The following PLD5 variants were observed in gnomAD, a reference collection of about 807,000 sequenced individuals.
PLD5 encodes the protein inactive phospholipase D5.
A neutral mutation model predicts 61.1 loss-of-function variants in PLD5; 36 were observed. The ratio of observed to expected loss-of-function variants is 0.59; its 90% confidence interval spans 0.45 to 0.78. PLD5 has a LOEUF of 0.78. PLD5 is among the 30% of genes least tolerant of loss of function. PLD5 has a pLI of 0.00. For missense variants in PLD5, 515 were observed against 644.4 expected (o/e 0.80, Z 2.17); for synonymous variants, 243 against 242.8 (o/e 1.00, Z -0.01).
At chr1:242,451,641 G>A (rs749028818) in intron 1 of PLD5, among the ~76,000 whole-genome samples, 16 of 151,352 alleles carry the variant, frequency 1.1e-4, no homozygotes, top group South Asian at 2.1e-4. Context: ...TTGTATTTTC[G>A]TAGAGACAGG....
At chr1:242,417,817 G>C (rs1217022997) in intron 1 of PLD5, among the ~76,000 whole-genome samples, 1 of 152,176 alleles carries the variant, frequency 6.6e-6, no homozygotes, top group East Asian at 1.9e-4. Context: ...AGGTGATATG[G>C]GATAGAGCAA....
chr1:242,216,535 C>G (rs1388021059), intron 5 of PLD5, among the ~76,000 whole-genome samples: 1 of 152,190 alleles, frequency 6.6e-6, no homozygotes, highest in Non-Finnish European at 1.5e-5. Context: ...CATAATTGCT[C>G]TCTACTTGGG....
chr1:242,321,309 CTT>C (rs1338641030), intron 2 of PLD5, among the ~76,000 whole-genome samples: 28 of 144,300 alleles, frequency 1.9e-4, no homozygotes, highest in African/African-American at 4.5e-4. Context: ...CTCTCTCTCT[CTT>C]TTTTTTTTTT....
intron 1 of PLD5, among the ~76,000 whole-genome samples, chr1:242,433,403 G>A (rs912037575): frequency 6.6e-6 from 1 of 152,138 alleles, no homozygotes; most frequent in African/African-American, 2.4e-5. Flanking sequence ...TTTAATCTTA[G>A]GATAGAGAAA....
intron 4 of PLD5, among the ~76,000 whole-genome samples, chr1:242,226,215 AAT>A (rs1341356883): frequency 1.5e-4 from 23 of 152,302 alleles, no homozygotes; most frequent in African/African-American, 5.5e-4. Flanking sequence ...CAGGAAAAAA[AAT>A]ATGTGTCAGT....
At chr1:242,126,155 A>G (rs12134702) in intron 5 of PLD5, among the ~76,000 whole-genome samples, 1 of 152,062 alleles carries the variant, frequency 6.6e-6, no homozygotes, top group Non-Finnish European at 1.5e-5. Context: ...CACTGCTGAA[A>G]GAATAGATGA....
intron 1 of PLD5, among the ~76,000 whole-genome samples, chr1:242,519,530 T>G (rs564076469): frequency 6.6e-6 from 1 of 152,368 alleles, no homozygotes; most frequent in South Asian, 2.1e-4. Flanking sequence ...CTCTTTCAAA[T>G]TTAAATGGGC....
chr1:242,102,527 T>C (rs1174210753), intron 8 of PLD5, among the ~76,000 whole-genome samples: 1 of 152,246 alleles, frequency 6.6e-6, no homozygotes, highest in African/African-American at 2.4e-5. Flanking sequence ...TTCACAGTCT[T>C]TTCTCTTTTC....
chr1:242,233,107 T>C (rs1377426838), intron 4 of PLD5, among the ~76,000 whole-genome samples: 3 of 152,102 alleles, frequency 2.0e-5, no homozygotes, highest in Non-Finnish European at 4.4e-5. Context: ...TGAGCTGAGA[T>C]TGTGCCACTG....
At chr1:242,493,045 A>T (rs573409723) in intron 1 of PLD5, among the ~76,000 whole-genome samples, 1 of 152,322 alleles carries the variant, frequency 6.6e-6, no homozygotes, top group Admixed American at 6.5e-5. Flanking sequence ...AAAAGCAAGA[A>T]ACCAACCTGA....
chr1:242,302,655 G>A (rs1191834844), intron 2 of PLD5, among the ~76,000 whole-genome samples: 1 of 152,186 alleles, frequency 6.6e-6, no homozygotes, highest in Non-Finnish European at 1.5e-5. Flanking sequence ...GGAATTTGAG[G>A]TTACAGTGAA....
At chr1:242,294,153 A>G (rs1324923376) in intron 2 of PLD5, among the ~76,000 whole-genome samples, 1 of 152,222 alleles carries the variant, frequency 6.6e-6, no homozygotes, top group Admixed American at 6.5e-5. Flanking sequence ...CTGACACCTG[A>G]TAACTAGGGG....
intron 6 of PLD5, among the ~76,000 whole-genome samples, chr1:242,117,198 C>G (rs1461020593): frequency 6.6e-6 from 1 of 152,112 alleles, no homozygotes; most frequent in Non-Finnish European, 1.5e-5. Context: ...CTTCATTTGC[C>G]AACTCCCATC....
chr1:242,360,171 T>G (rs1340205383), intron 1 of PLD5, among the ~76,000 whole-genome samples: 1 of 152,150 alleles, frequency 6.6e-6, no homozygotes. Context: ...TCAAGAGATG[T>G]TGCTGCTGCT....
intron 5 of PLD5, among the ~76,000 whole-genome samples, chr1:242,202,317 A>T (rs557120394): frequency 2.0e-5 from 3 of 152,308 alleles, no homozygotes; most frequent in Non-Finnish European, 4.4e-5. Flanking sequence ...AGGGGTCCTC[A>T]TTCCTCCCTG....
chr1:242,425,736 G>A (rs1254202411), intron 1 of PLD5, among the ~76,000 whole-genome samples: 2 of 147,346 alleles, frequency 1.4e-5, no homozygotes, highest in East Asian at 2.0e-4. Flanking sequence ...TCCACCTCCC[G>A]GGTTCACACC....
chr1:242,448,563 C>A (rs1214236330), intron 1 of PLD5, among the ~76,000 whole-genome samples: 1 of 152,172 alleles, frequency 6.6e-6, no homozygotes, highest in Non-Finnish European at 1.5e-5. Context: ...CAAGCCAGTT[C>A]TTCCCCCCAT....
At chr1:242,405,499 C>T (rs1315721917) in intron 1 of PLD5, among the ~76,000 whole-genome samples, 1 of 152,120 alleles carries the variant, frequency 6.6e-6, no homozygotes, top group Non-Finnish European at 1.5e-5. Context: ...TCTGGTCCTG[C>T]CCATCACTTT....
At position 242,090,122 on chromosome 1, in the gene PLD5, C is replaced by G; in HGVS notation, c.1355-12G>C. The G allele has an allele frequency of 6.2e-7, 1 of 1,612,644 alleles. No individual in the cohort carries two copies. The highest frequency in any genetic ancestry group is 1.1e-5 in the South Asian group (1 of 91,058). ...CCAATCAAAATTTCCTGCAAACAAA[C>G]AAAGAAATAATGTTGAGGAGTTAGA... On this transcript the variant is annotated splice_polypyrimidine_tract_variant and intron_variant, in intron 9 of 9. Coordinates refer to ENST00000536534, the MANE Select transcript of PLD5 (RefSeq NM_001372062.1).
Sources: allele counts gnomAD v4.1 joint callset (sites outside exome capture counted in the v4.1 genomes callset), GRCh38; gene constraint gnomAD v4.1.1; transcripts MANE v1.5; gene names NCBI Gene and HGNC (gene_info 2026-07-23, HGNC 2026-07-21).